The following NSD1 variants were observed in gnomAD, a reference collection of about 807,000 sequenced individuals.
NSD1 encodes nuclear receptor binding SET domain protein 1, also known as histone-lysine N-methyltransferase, H3 lysine-36 specific.
Under a neutral mutation model 242.7 loss-of-function variants are expected in NSD1, and 26 were observed. That is an observed-to-expected ratio of 0.11 (90% CI 0.08 to 0.15). The LOEUF (loss-of-function observed/expected upper bound fraction) is 0.15, where lower values mean the gene tolerates loss of function less well. NSD1 is among the 10% of genes least tolerant of loss of function. NSD1 has a pLI of 1.00. For synonymous variants in NSD1, 1,106 were observed against 1,178.1 expected (o/e 0.94, Z 1.25); for missense variants, 2,495 against 3,272.8 (o/e 0.76, Z 5.80).
At position 177,235,842 on chromosome 5, in the gene NSD1, G is replaced by A. The variant is rs1362208576; in HGVS notation, c.3818G>A (p.Arg1273His). ...PEPAVRSEKKRLRKPSKWLLE... is the reference protein window; with the variant it reads ...PEPAVRSEKKHLRKPSKWLLE... ...TTAGCTGTGCGGTCAGAGAAGAAAC[G>A]CCTTAGGAAGCCAAGCAAGTGGCTT... is the stretch of plus-strand genomic sequence containing the variant. Residue 1273 changes from arginine (R) to histidine (H), a missense_variant, in exon 6 of 23, where the codon CGC (arginine) becomes CAC (histidine). Arg to His is a conservative substitution (Grantham distance 29). This residue lies in a region of NSD1 where 426 missense variants were observed against 411.4 expected (regional missense o/e 1.04). Transcript: ENST00000439151. The A allele has an allele frequency of 1.9e-6, 3 of 1,613,960 alleles. No individual in the cohort carries two copies. The highest frequency in any genetic ancestry group is 2.5e-6 in the Non-Finnish European group (3 of 1,179,904).
chr5:177,283,161 C>T (rs1014376241), intron 19 of NSD1, among the ~76,000 whole-genome samples: 1 of 152,130 alleles, frequency 6.6e-6, no homozygotes, highest in Admixed American at 6.5e-5. Context: ...ACCATGTTGG[C>T]CAGGCTGGTC....
At chr5:177,226,835 T>G (rs1480220330) in intron 5 of NSD1, among the ~76,000 whole-genome samples, 1 of 152,196 alleles carries the variant, frequency 6.6e-6, no homozygotes, top group Non-Finnish European at 1.5e-5. Context: ...GAGTAAAGTA[T>G]GAAATTTTGT....
rs181585801 is a variant in NSD1, at chr5:177,218,676, T to G, written c.3796+6481T>G. ...TCCACCTCCCGGATTGACGCCATTC[T>G]CCTGCCTCGGCTTCCTGAGTAGCTG... is the stretch of plus-strand genomic sequence containing the variant. On this transcript the variant is annotated intron_variant, in intron 5 of 22. Coordinates refer to ENST00000439151, the MANE Select transcript of NSD1 (RefSeq NM_022455.5). 5.1e-3 allele frequency among the ~76,000 whole-genome samples: 778 copies of G among 152,022 alleles called. 27 individuals carry two copies. Among genetic ancestry groups the G allele is most frequent in the Admixed American group, 0.039 (600 of 15,244 alleles).
chr5:177,240,066 T>A (rs778187010), intron 8 of NSD1, among the ~76,000 whole-genome samples: 52 of 152,192 alleles, frequency 3.4e-4, no homozygotes, highest in Non-Finnish European at 5.3e-4. Context: ...ATAAACTGGT[T>A]TCAGGTTTCC....
chr5:177,262,573 T>C (rs1486218994), intron 14 of NSD1, among the ~76,000 whole-genome samples: 1 of 152,266 alleles, frequency 6.6e-6, no homozygotes, highest in Non-Finnish European at 1.5e-5. Context: ...CCTCCCATTT[T>C]ATTCCTCAAT....
At chr5:177,204,338 G>A (rs772532521) in intron 4 of NSD1, 46 bp downstream of exon 4, 1 of 1,543,172 alleles carries the variant, frequency 6.5e-7, no homozygotes. Context: ...AAGCAAGTAA[G>A]AAAAAGAAAG....
At chr5:177,245,198 C>A (rs1481215861) in intron 9 of NSD1, among the ~76,000 whole-genome samples, 2 of 152,170 alleles carry the variant, frequency 1.3e-5, no homozygotes, top group Middle Eastern at 3.2e-3. Context: ...TCACACCAGG[C>A]ACTGTAGCCT....
chr5:177,242,546 A>ATTTATTTAT (rs1765962736), intron 8 of NSD1, among the ~76,000 whole-genome samples: 2 of 32,274 alleles, frequency 6.2e-5, no homozygotes, highest in South Asian at 9.9e-4. Context: ...TATTTATTTG[A>ATTTATTTAT]GACAGAGTTT....
chr5:177,236,623 T>C (rs1418472662), intron 6 of NSD1, among the ~76,000 whole-genome samples: 1 of 152,250 alleles, frequency 6.6e-6, no homozygotes, highest in African/African-American at 2.4e-5. Flanking sequence ...TAAAGTCATC[T>C]ACTTTCTGTA....
rs569833613 is a variant in NSD1, at chr5:177,230,470, A to G, written c.3797-5351A>G. ...ATAGAGAGCTGGAGTATTGAAGCCT[A>G]GTCTGAGAAGTTACTCTATGAGAGA... is the stretch of plus-strand genomic sequence containing the variant. On this transcript the variant is annotated intron_variant, in intron 5 of 22. Transcript: ENST00000439151. 7.2e-5 allele frequency among the ~76,000 whole-genome samples: 11 copies of G among 152,268 alleles called. 2 individuals carry two copies. Among genetic ancestry groups the G allele is most frequent in the Admixed American group, 5.2e-4 (8 of 15,298 alleles).
intron 2 of NSD1, among the ~76,000 whole-genome samples, chr5:177,159,030 G>GATATATATATATAT (rs35942745): frequency 2.6e-5 from 3 of 113,864 alleles, no homozygotes; most frequent in African/African-American, 1.3e-4. Flanking sequence ...ATATATGAAT[G>GATATATATATATAT]ATATATATAT....
chr5:177,285,468 G>A (rs530023340), intron 20 of NSD1, among the ~76,000 whole-genome samples: 9 of 148,960 alleles, frequency 6.0e-5, no homozygotes, highest in Non-Finnish European at 1.2e-4. Context: ...GGAGGCTGAG[G>A]CAGGAGAATG....
intron 1 of NSD1, 28 bp from the exon 2 acceptor site, chr5:177,135,059 G>A: frequency 6.3e-7 from 1 of 1,598,490 alleles, no homozygotes; most frequent in Non-Finnish European, 8.6e-7. Flanking sequence ...TATTAACTCA[G>A]ATTAATTGCT....
intron 5 of NSD1, among the ~76,000 whole-genome samples, chr5:177,235,579 T>C (rs1053293813): frequency 1.3e-5 from 2 of 152,194 alleles, no homozygotes; most frequent in African/African-American, 4.8e-5. Flanking sequence ...TAATTTTGGA[T>C]GGGCCACATA....
In NSD1 at chr5:177,211,515, T is replaced by G; in HGVS notation, c.3116T>G (p.Val1039Gly). The change falls in exon 5 of 23, where the codon GTA becomes GGA. Residue 1039 changes from valine (V) to glycine (G), a missense_variant. By Grantham distance (109) the Val-to-Gly change is moderately radical. Transcript: ENST00000439151. Reference protein sequence around the residue: ...KLRDAFSAQMVKNTVNRKALK... With the variant: ...KLRDAFSAQMGKNTVNRKALK... ...CGAGATGCTTTTTCAGCCCAAATGG[T>G]AAAGAACACAGTGAACCGTAAAGCC... 2 of 1,614,056 alleles carry G rather than the reference T, an allele frequency of 1.2e-6. No homozygotes were observed. Among genetic ancestry groups the G allele is most frequent in the Non-Finnish European group, 1.7e-6 (2 of 1,180,014 alleles).
intron 2 of NSD1, among the ~76,000 whole-genome samples, chr5:177,150,166 C>G (rs949554025): frequency 1.3e-5 from 2 of 151,838 alleles, no homozygotes; most frequent in African/African-American, 4.8e-5. Context: ...TGGAGTCTCG[C>G]TCTGTCACGC....
Position 177,269,549 on chromosome 5 carries a change from C to G in NSD1, c.5304-53C>G, listed in dbSNP as rs2149934110. 8 of 1,519,848 alleles carry G rather than the reference C, an allele frequency of 5.3e-6. No homozygotes were observed. The South Asian group carries it at 7.9e-5, about 15-fold the overall frequency. 94.1% of individuals were successfully genotyped at this position (1,519,848 alleles called of 1,614,324 possible). ...ACTTTTATATGAGTAGGTTATTTTC[C>G]TAATGCCTTGCAGCCTTCTAGAGGT... On this transcript the variant is annotated intron_variant, in intron 15 of 22. Coordinates refer to ENST00000439151, the MANE Select transcript of NSD1 (RefSeq NM_022455.5). The surrounding 1 kb of genome is among the most constrained non-coding windows in gnomAD (Gnocchi z 5.1).
chr5:177,147,936 A>G lies in NSD1; in HGVS notation c.927+11906A>G, dbSNP rs190941160. 3.2e-3 allele frequency among the ~76,000 whole-genome samples: 485 copies of G among 152,140 alleles called. 3 individuals carry two copies. Among genetic ancestry groups the G allele is most frequent in the African/African-American group, 0.011 (451 of 41,504 alleles). ...CTAAGTAATATTCCATGATACAAAT[A>G]TACCATGGTTTGCTTGACCGTTCAC... On this transcript the variant is annotated intron_variant, in intron 2 of 22. Coordinates refer to ENST00000439151, the MANE Select transcript of NSD1 (RefSeq NM_022455.5).
intron 14 of NSD1, chr5:177,265,451 C>A (rs1757343609): frequency 1.6e-6 from 1 of 615,056 alleles, no homozygotes; most frequent in East Asian, 2.7e-5. Context: ...CCCATCCCCC[C>A]AGCCCAGGCC....
Sources: allele counts gnomAD v4.1 joint callset (sites outside exome capture counted in the v4.1 genomes callset), GRCh38; gene constraint gnomAD v4.1.1; regional missense constraint gnomAD v4.1.1; non-coding constraint Gnocchi (gnomAD v3.1); transcripts MANE v1.5; gene names NCBI Gene and HGNC (gene_info 2026-07-23, HGNC 2026-07-21).